The following GPC6 variants were observed in gnomAD, a reference collection of about 807,000 sequenced individuals.
GPC6 encodes the protein glypican 6, also known as glypican-6.
In GPC6, 14 loss-of-function variants were observed where a neutral mutation model predicts 55.2. The observed-to-expected ratio is 0.25, with a 90% confidence interval of 0.17 to 0.40. GPC6 has a LOEUF of 0.40. Ranked by LOEUF, GPC6 falls within the 10% of genes least tolerant of loss-of-function variation. The probability of loss-of-function intolerance (pLI) is 1.00; values close to 1 mark genes in which losing one functional copy is unlikely to be tolerated. For synonymous variants in GPC6, 278 were observed against 259.6 expected, an observed-to-expected ratio of 1.07 and a Z score of -0.68; for missense variants, 641 against 708.5, an observed-to-expected ratio of 0.90 and a Z score of 1.08.
chr13:93,242,095 T>A (rs1197491919), intron 1 of GPC6, among the ~76,000 whole-genome samples: 5 of 152,192 alleles, frequency 3.3e-5, no homozygotes, highest in Non-Finnish European at 5.9e-5. Flanking sequence ...CCCAGTATTT[T>A]TTCAGTGGGT....
At chr13:93,531,659 T>C (rs1184459742) in intron 1 of GPC6, among the ~76,000 whole-genome samples, 1 of 152,206 alleles carries the variant, frequency 6.6e-6, no homozygotes, top group East Asian at 1.9e-4. Flanking sequence ...TACAGTGTCC[T>C]ACTAATTTTT....
At chr13:93,492,813 C>G (rs967540985) in intron 1 of GPC6, among the ~76,000 whole-genome samples, 1 of 150,546 alleles carries the variant, frequency 6.6e-6, no homozygotes, top group Non-Finnish European at 1.5e-5. Flanking sequence ...TGTTTATATG[C>G]TGGATTACAT....
intron 4 of GPC6, among the ~76,000 whole-genome samples, chr13:94,038,611 C>T (rs1373676023): frequency 2.6e-5 from 4 of 151,918 alleles, no homozygotes; most frequent in African/African-American, 9.7e-5. Flanking sequence ...TCAGTTTTCT[C>T]ATCCAGCAAC....
At chr13:93,372,032 T>C (rs1353404685) in intron 1 of GPC6, among the ~76,000 whole-genome samples, 1 of 152,162 alleles carries the variant, frequency 6.6e-6, no homozygotes, top group Non-Finnish European at 1.5e-5. Flanking sequence ...GATTGGCCTA[T>C]TTCTGAAGTG....
At chr13:94,252,861 C>T (rs1320337527) in intron 4 of GPC6, among the ~76,000 whole-genome samples, 2 of 151,560 alleles carry the variant, frequency 1.3e-5, no homozygotes, top group African/African-American at 4.9e-5. Flanking sequence ...ATATGATAGG[C>T]TCTCTAGAAA....
At chr13:93,789,509 CTATATA>C (rs201331720) in intron 2 of GPC6, among the ~76,000 whole-genome samples, 13,112 of 93,106 alleles carry the variant, frequency 0.14, 1,112 homozygotes, top group African/African-American at 0.18. Flanking sequence ...CTCTCTCTCT[CTATATA>C]TATATATATA....
At chr13:94,235,931 G>A (rs559651102) in intron 4 of GPC6, among the ~76,000 whole-genome samples, 41 of 152,126 alleles carry the variant, frequency 2.7e-4, no homozygotes, top group Admixed American at 7.2e-4. Context: ...CACAGGTGAC[G>A]AAACTGAGAC....
intron 2 of GPC6, among the ~76,000 whole-genome samples, chr13:93,594,391 C>T (rs1267293444): frequency 6.6e-6 from 1 of 152,062 alleles, no homozygotes; most frequent in Non-Finnish European, 1.5e-5. Context: ...CATCATTTAG[C>T]TCCCACTTAT....
chr13:93,296,675 T>TA (rs1878504872), intron 1 of GPC6, among the ~76,000 whole-genome samples: 1 of 152,170 alleles, frequency 6.6e-6, no homozygotes, highest in South Asian at 2.1e-4. Context: ...CAGAAACAAC[T>TA]AACTGGACTA....
chr13:93,576,645 A>G (rs193263057), intron 2 of GPC6, among the ~76,000 whole-genome samples: 86 of 152,290 alleles, frequency 5.6e-4, no homozygotes, highest in African/African-American at 1.9e-3. Context: ...CATTATTGAT[A>G]GTGTCATGCT....
chr13:93,327,389 C>T lies in GPC6; in HGVS notation c.160+99773C>T, dbSNP rs185837443. Among the ~76,000 whole-genome samples the T allele has an allele frequency of 3.0e-3, 464 of 152,262 alleles. 1 individual carries two copies. Among genetic ancestry groups the T allele is most frequent in the African/African-American group, 0.01 (434 of 41,564 alleles). On this transcript the variant is annotated intron_variant, in intron 1 of 8. Transcript: ENST00000377047. ...AGTCGAATATACTGTATGAATAATA[C>T]TTTCCACTTCTTAGTTGGGTTTGCA...
At chr13:93,323,821 G>C (rs1033233182) in intron 1 of GPC6, among the ~76,000 whole-genome samples, 2 of 152,144 alleles carry the variant, frequency 1.3e-5, no homozygotes, top group African/African-American at 2.4e-5. Context: ...TTTGGGAATA[G>C]GTCAAGAAAA....
At chr13:93,303,758 C>T (rs1878761295) in intron 1 of GPC6, among the ~76,000 whole-genome samples, 2 of 151,548 alleles carry the variant, frequency 1.3e-5, no homozygotes, top group Admixed American at 6.6e-5. Context: ...TCCTAGGGTT[C>T]AATTAGGGTG....
chr13:93,611,077 T>C (rs969219610), intron 2 of GPC6, among the ~76,000 whole-genome samples: 4 of 152,176 alleles, frequency 2.6e-5, no homozygotes, highest in African/African-American at 2.4e-5. Context: ...TTTTCCTGTT[T>C]AAAAGAGTCT....
chr13:94,087,083 T>TG (rs2138806097), intron 4 of GPC6, among the ~76,000 whole-genome samples: 1 of 152,356 alleles, frequency 6.6e-6, no homozygotes, highest in East Asian at 1.9e-4. Flanking sequence ...GTTCTCTCAG[T>TG]GGTGCTTTAT....
chr13:93,592,209 G>T (rs35717798), intron 2 of GPC6, among the ~76,000 whole-genome samples: 19,328 of 151,112 alleles, frequency 0.13, 2,896 homozygotes, highest in African/African-American at 0.36. Flanking sequence ...TTTTGAACTG[G>T]AGTGTTGCTC....
intron 3 of GPC6, among the ~76,000 whole-genome samples, chr13:93,998,354 A>G (rs986571861): frequency 6.6e-6 from 1 of 152,184 alleles, no homozygotes; most frequent in African/African-American, 2.4e-5. Context: ...CTTGCTCATC[A>G]AATTTATAAA....
chr13:94,005,102 C>T (rs927618281), intron 3 of GPC6, among the ~76,000 whole-genome samples: 8 of 152,058 alleles, frequency 5.3e-5, no homozygotes, highest in Non-Finnish European at 1.2e-4. Context: ...ATCAGGTACA[C>T]ATGGACTAAT....
At chr13:94,338,146 T>G (rs1373037012) in intron 6 of GPC6, among the ~76,000 whole-genome samples, 1 of 152,240 alleles carries the variant, frequency 6.6e-6, no homozygotes, top group African/African-American at 2.4e-5. Flanking sequence ...AGATGGTAAA[T>G]TCTCTCTTTT....
Sources: gnomAD v4.1 joint callset for allele counts (sites outside exome capture counted in the v4.1 genomes callset) on GRCh38, gnomAD v4.1.1 for gene constraint, MANE v1.5 for transcripts, NCBI Gene and HGNC (gene_info 2026-07-23, HGNC 2026-07-21) for gene names.